Variants in RBFOX1 observed in about 807,000 individuals in gnomAD.
RBFOX1 encodes the protein RNA binding protein fox-1 homolog 1.
Under a neutral mutation model 57.7 loss-of-function variants are expected in RBFOX1, and 8 were observed. The ratio of observed to expected loss-of-function variants is 0.14; its 90% CI spans 0.08 to 0.25. The LOEUF is 0.25. Ranked by LOEUF, RBFOX1 falls within the 10% of genes least tolerant of loss-of-function variation. The probability of loss-of-function intolerance (pLI) is 1.00; values close to 1 mark genes in which losing one functional copy is unlikely to be tolerated. For synonymous variants in RBFOX1, 326 were observed against 222.4 expected (o/e 1.47, Z -4.15); for missense variants, 611 against 548.5 (o/e 1.11, Z -1.14).
At chr16:6,813,272 A>G (rs561951211) in intron 3 of RBFOX1, among the ~76,000 whole-genome samples, 3 of 152,174 alleles carry the variant, frequency 2.0e-5, no homozygotes, top group African/African-American at 7.2e-5. Flanking sequence ...TCTTTCTGGC[A>G]GTCCTCAAAA....
chr16:6,927,817 C>G (rs975022274), intron 3 of RBFOX1, among the ~76,000 whole-genome samples: 17 of 152,144 alleles, frequency 1.1e-4, no homozygotes, highest in African/African-American at 2.9e-4. Flanking sequence ...AGCCAGAAGC[C>G]TAACACTGAA....
intron 5 of RBFOX1, among the ~76,000 whole-genome samples, chr16:7,536,206 G>A (rs2081431750): frequency 6.6e-6 from 1 of 152,212 alleles, no homozygotes. Context: ...CTTCTGTGAA[G>A]GAAAGGTAGA....
chr16:6,137,898 G>A (rs148716465), intron 1 of RBFOX1, among the ~76,000 whole-genome samples: 4 of 152,072 alleles, frequency 2.6e-5, no homozygotes, highest in African/African-American at 7.2e-5. Flanking sequence ...ACATGAACCC[G>A]TACACCAGGC....
In RBFOX1 at chr16:7,325,938, G is replaced by A. The variant is rs191624967; in HGVS notation, c.28-192209G>A. 2.3e-4 allele frequency among the ~76,000 whole-genome samples: 35 copies of A among 152,304 alleles called. No individual in the cohort carries two copies. The East Asian group carries it at 6.0e-3, about 26-fold the overall frequency. On this transcript the variant is annotated intron_variant, in intron 4 of 15. Coordinates refer to ENST00000550418, the MANE Select transcript of RBFOX1 (RefSeq NM_018723.4). ...ATGGAGTTTGAGTGCATGTCTGGCA[G>A]TGAGTGTCATTTCTCAGTTCTGGTT...
intron 4 of RBFOX1, among the ~76,000 whole-genome samples, chr16:7,118,495 A>G (rs1297022731): frequency 6.6e-6 from 1 of 152,150 alleles, no homozygotes; most frequent in Admixed American, 6.6e-5. Flanking sequence ...AATTCAGTTG[A>G]CAGGTACACT....
chr16:6,725,352 G>A (rs2066956815), intron 3 of RBFOX1, among the ~76,000 whole-genome samples: 2 of 152,120 alleles, frequency 1.3e-5, no homozygotes, highest in South Asian at 4.1e-4. Context: ...CGCCCGGCCG[G>A]TTTTGGCTAG....
At chr16:6,229,448 G>A (rs907080354) in intron 1 of RBFOX1, among the ~76,000 whole-genome samples, 1 of 152,116 alleles carries the variant, frequency 6.6e-6, no homozygotes, top group African/African-American at 2.4e-5. Context: ...TGTTCTGTGT[G>A]TTTGAATCAA....
At chr16:7,555,635 T>C (rs2088143885) in intron 5 of RBFOX1, among the ~76,000 whole-genome samples, 1 of 152,228 alleles carries the variant, frequency 6.6e-6, no homozygotes. Flanking sequence ...TCCTTTTCTC[T>C]TCCCCTTGAA....
At chr16:7,678,304 T>C (rs2073905368) in intron 14 of RBFOX1, among the ~76,000 whole-genome samples, 1 of 152,128 alleles carries the variant, frequency 6.6e-6, no homozygotes, top group African/African-American at 2.4e-5. Flanking sequence ...ACTTTGACAC[T>C]GGATTAGGAA....
chr16:7,167,222 G>C (rs941064245), intron 4 of RBFOX1, among the ~76,000 whole-genome samples: 6 of 151,748 alleles, frequency 4.0e-5, no homozygotes, highest in African/African-American at 1.5e-4. Flanking sequence ...CTGACCTTAA[G>C]TGATCTGCCA....
At chr16:5,535,014 G>T (rs2044640271) in intron 2 of RBFOX1, among the ~76,000 whole-genome samples, 1 of 152,166 alleles carries the variant, frequency 6.6e-6, no homozygotes, top group Non-Finnish European at 1.5e-5. Flanking sequence ...AAATCACAAT[G>T]AATAAAACAG....
intron 3 of RBFOX1, among the ~76,000 whole-genome samples, chr16:6,794,280 A>ATTTTTTTTTTTTTTTTTTTTTTTTTT (rs372963833): frequency 8.0e-6 from 1 of 125,228 alleles, no homozygotes; most frequent in African/African-American, 3.0e-5. Context: ...CTTGTTCGTG[A>ATTTTTTTTTTTTTTTTTTTTTTTTTT]TTTTTTTTTT....
intron 14 of RBFOX1, among the ~76,000 whole-genome samples, chr16:7,703,906 A>G (rs1400623074): frequency 3.3e-5 from 5 of 152,194 alleles, no homozygotes; most frequent in East Asian, 1.9e-4. Context: ...GAATTTTTCA[A>G]TTGCCTCTGC....
chr16:5,903,722 G>A, intron 4 of RBFOX1, among the ~76,000 whole-genome samples: 1 of 152,118 alleles, frequency 6.6e-6, no homozygotes, highest in East Asian at 1.9e-4. Context: ...TCACCACTTT[G>A]TCTCTCCTCC....
intron 3 of RBFOX1, among the ~76,000 whole-genome samples, chr16:6,657,159 T>A (rs2098664475): frequency 6.6e-6 from 1 of 150,484 alleles, no homozygotes; most frequent in African/African-American, 2.4e-5. Flanking sequence ...TCTCCTCTTT[T>A]CCTCCTTCCC....
intron 1 of RBFOX1, among the ~76,000 whole-genome samples, chr16:6,260,377 C>G (rs1285116364): frequency 6.6e-6 from 1 of 152,098 alleles, no homozygotes; most frequent in Non-Finnish European, 1.5e-5. Flanking sequence ...CCAGATGACA[C>G]ATGGATGACC....
chr16:7,004,481 A>G (rs2093124556), intron 3 of RBFOX1, among the ~76,000 whole-genome samples: 3 of 152,186 alleles, frequency 2.0e-5, no homozygotes, highest in African/African-American at 7.2e-5. Flanking sequence ...AGCCCAGCCC[A>G]GGTTTGGAGG....
chr16:5,738,093 G>A (rs1328978461), intron 3 of RBFOX1, among the ~76,000 whole-genome samples: 1 of 150,914 alleles, frequency 6.6e-6, no homozygotes, highest in Non-Finnish European at 1.5e-5. Flanking sequence ...ACTTATGAGT[G>A]AGAACATGCA....
chr16:6,981,489 G>A (rs143255715), intron 3 of RBFOX1, among the ~76,000 whole-genome samples: 1 of 152,256 alleles, frequency 6.6e-6, no homozygotes, highest in African/African-American at 2.4e-5. Context: ...TTTATCCAGT[G>A]TATTAGTCTG....
Sources: allele counts gnomAD v4.1 joint callset (sites outside exome capture counted in the v4.1 genomes callset), GRCh38; gene constraint gnomAD v4.1.1; transcripts MANE v1.5; gene names NCBI Gene and HGNC (gene_info 2026-07-23, HGNC 2026-07-21).